The following DCAF7 variants were observed in gnomAD, a reference collection of about 807,000 sequenced individuals.
The protein encoded by DCAF7 is DDB1 and CUL4 associated factor 7, also known as DDB1- and CUL4-associated factor 7.
DCAF7 carries 4 observed loss-of-function variants against 41.2 expected under a neutral mutation model. The observed-to-expected ratio is 0.10, with a 90% CI of 0.05 to 0.22. The LOEUF (loss-of-function observed/expected upper bound fraction) is 0.22, where lower values mean the gene tolerates loss of function less well. Among genes scored for constraint, DCAF7 ranks in the 10% least tolerant of loss-of-function variants. The pLI is 1.00. For synonymous variants in DCAF7, 143 were observed against 164.2 expected, an observed-to-expected ratio of 0.87 and a Z score of 0.99; for missense variants, 131 against 443.2, an observed-to-expected ratio of 0.30 and a Z score of 6.32.
chr17:63,577,946 C>T (rs979661574), intron 1 of DCAF7, among the ~76,000 whole-genome samples: 4 of 152,154 alleles, frequency 2.6e-5, no homozygotes, highest in African/African-American at 9.7e-5. Flanking sequence ...ACTGGCTTTG[C>T]AGTGTTGAGT....
chr17:63,558,588 A>G (rs374994856), intron 1 of DCAF7, among the ~76,000 whole-genome samples: 360 of 152,252 alleles, frequency 2.4e-3, no homozygotes, highest in African/African-American at 8.4e-3. Flanking sequence ...CCCAGGCTAG[A>G]GTGCAGTAGT....
chr17:63,559,353 A>ATG (rs2147760203), intron 1 of DCAF7, among the ~76,000 whole-genome samples: 1 of 133,880 alleles, frequency 7.5e-6, no homozygotes, highest in Non-Finnish European at 1.5e-5. Flanking sequence ...ATATACGTAT[A>ATG]TATATGTATG....
At chr17:63,579,987 G>A in intron 4 of DCAF7, 44 bp downstream of exon 4, 1 of 1,491,254 alleles carries the variant, frequency 6.7e-7, no homozygotes, top group Non-Finnish European at 9.3e-7. Flanking sequence ...TGCTTCCTGT[G>A]CCTTCCGCAC....
Position 63,574,968 on chromosome 17 carries a change from T to C in DCAF7, c.139-3502T>C, listed in dbSNP as rs532293524. ...ACCCTGGGTGACAAGCAAGATCCTATCTTAAAAAAAATAAAACACAATTTC... is the reference window on the plus strand; with the variant it reads ...ACCCTGGGTGACAAGCAAGATCCTACCTTAAAAAAAATAAAACACAATTTC... On this transcript the variant is annotated intron_variant, in intron 1 of 6. Coordinates refer to ENST00000614556, the MANE Select transcript of DCAF7 (RefSeq NM_005828.5). 1.3e-4 allele frequency among the ~76,000 whole-genome samples: 19 copies of C among 141,442 alleles called. No homozygotes were observed. In the South Asian group the frequency reaches 4.0e-3, roughly 29 times the overall value. 92.8% of individuals were successfully genotyped at this position (141,442 alleles called of 152,430 possible).
Position 63,551,891 on chromosome 17 carries a change from C to CAAAAA in DCAF7, c.138+1112_138+1116dup, listed in dbSNP as rs529811578. On this transcript the variant is annotated intron_variant, in intron 1 of 6. Transcript: ENST00000614556. The stretch of plus-strand genomic sequence containing the variant: ...GTGAAACCCCGTCTCTACTAAAATA[C>CAAAAA]AAAAAAAAAAAAAAAAAAAAAAAAA... Among the ~76,000 whole-genome samples, 171 of 27,292 alleles carry CAAAAA rather than the reference C, an allele frequency of 6.3e-3. 50 individuals carry two copies. The highest frequency in any genetic ancestry group is 9.4e-3 in the Non-Finnish European group (117 of 12,474). 17.9% of individuals were successfully genotyped at this position (27,292 alleles called of 152,430 possible).
chr17:63,572,955 G>GT (rs1568101914), intron 1 of DCAF7, among the ~76,000 whole-genome samples: 2 of 152,178 alleles, frequency 1.3e-5, no homozygotes, highest in East Asian at 3.9e-4. Flanking sequence ...TAGAGATGAA[G>GT]TTTCACCATG....
intron 1 of DCAF7, among the ~76,000 whole-genome samples, chr17:63,568,690 T>A (rs928561560): frequency 1.2e-4 from 19 of 152,158 alleles, no homozygotes. Context: ...AGGTTTTCAT[T>A]CAAGGGAGTT....
At position 63,589,357 on chromosome 17, in the gene DCAF7, G is replaced by C. The variant is rs1158928333; in HGVS notation, c.*185G>C. ...CCCATCGCCCTCTGTGGCAGACTCA[G>C]TGCTGTGTGGCGCCTCCTCAGCCCA... On this transcript the variant is annotated 3_prime_UTR_variant, in exon 7 of 7. Transcript: ENST00000614556. 2 of 788,776 alleles carry C rather than the reference G, an allele frequency of 2.5e-6. No homozygotes were observed. Among genetic ancestry groups the C allele is most frequent in the South Asian group, 1.5e-5 (1 of 68,498 alleles). The allele number at this position is 788,776 out of a possible 1,614,324, so 48.9% of individuals were successfully genotyped here. A position where few individuals can be genotyped will look rare whatever the true frequency, so the allele number is the denominator to read the frequency against.
chr17:63,567,535 A>G (rs561745572), intron 1 of DCAF7, among the ~76,000 whole-genome samples: 67 of 152,384 alleles, frequency 4.4e-4, no homozygotes, highest in African/African-American at 1.6e-3. Context: ...AAGAAAACAC[A>G]ATCAATTTTG....
chr17:63,579,993 C>CGGAAG (rs780488485), intron 4 of DCAF7, 50 bp downstream of exon 4: 42 of 1,392,684 alleles, frequency 3.0e-5, no homozygotes, highest in Non-Finnish European at 3.8e-5. Flanking sequence ...CTGTGCCTTC[C>CGGAAG]GCACAGGAAG....
intron 1 of DCAF7, among the ~76,000 whole-genome samples, chr17:63,565,243 A>G (rs1163495195): frequency 1.3e-5 from 2 of 152,172 alleles, no homozygotes; most frequent in Non-Finnish European, 2.9e-5. Flanking sequence ...GTAATGGTGA[A>G]GAGTTTGGGT....
At chr17:63,553,088 A>G (rs2033274323) in intron 1 of DCAF7, among the ~76,000 whole-genome samples, 2 of 152,234 alleles carry the variant, frequency 1.3e-5, no homozygotes, top group African/African-American at 4.8e-5. Context: ...TAGAATTACA[A>G]AAGAAACCAC....
intron 1 of DCAF7, among the ~76,000 whole-genome samples, chr17:63,572,835 T>C (rs2033521651): frequency 6.6e-6 from 1 of 152,218 alleles, no homozygotes; most frequent in South Asian, 2.1e-4. Context: ...TGATCTCAGC[T>C]CACTGCAACC....
Position 63,560,002 on chromosome 17 carries a change from C to T in DCAF7, c.138+9187C>T, listed in dbSNP as rs2033363815. ...TACATGTAATGTCCTAGACAAAGAA[C>T]AAATCCCTTAATAACTGCATATAAA... On this transcript the variant is annotated intron_variant, in intron 1 of 6. Coordinates refer to ENST00000614556, the MANE Select transcript of DCAF7 (RefSeq NM_005828.5). 2.0e-5 allele frequency among the ~76,000 whole-genome samples: 3 copies of T among 152,082 alleles called. No homozygotes were observed. The South Asian group carries it at 6.2e-4, about 31-fold the overall frequency.
intron 6 of DCAF7, among the ~76,000 whole-genome samples, chr17:63,588,129 G>A (rs1359825558): frequency 2.0e-5 from 3 of 148,814 alleles, no homozygotes; most frequent in African/African-American, 7.5e-5. Context: ...TTTTTCATGT[G>A]CTTTTATATA....
rs763376428 is a variant in DCAF7, at chr17:63,579,963, C to T, written c.528+20C>T. The stretch of plus-strand genomic sequence containing the variant: ...AAAGAGGTAAGATGCTTTTCCATTT[C>T]GTCTTTCCTCAAATGCTTCCTGTGC... On this transcript the variant is annotated intron_variant, in intron 4 of 6. Coordinates refer to ENST00000614556, the MANE Select transcript of DCAF7 (RefSeq NM_005828.5). The T allele has an allele frequency of 6.9e-6, 11 of 1,596,904 alleles. No homozygotes were observed. The highest frequency in any genetic ancestry group is 2.2e-5 in the East Asian group (1 of 44,674).
chr17:63,566,609 G>T (rs2033444684), intron 1 of DCAF7, among the ~76,000 whole-genome samples: 1 of 152,180 alleles, frequency 6.6e-6, no homozygotes, highest in African/African-American at 2.4e-5. Context: ...GATCTTCTAA[G>T]ATTATTGTTA....
At chr17:63,576,643 G>A (rs759497435) in intron 1 of DCAF7, among the ~76,000 whole-genome samples, 7 of 152,038 alleles carry the variant, frequency 4.6e-5, no homozygotes, top group African/African-American at 7.2e-5. Flanking sequence ...TTTTGGGTGC[G>A]GTGCTTACGC....
chr17:63,574,504 A>C (rs1485072894), intron 1 of DCAF7, among the ~76,000 whole-genome samples: 1 of 152,194 alleles, frequency 6.6e-6, no homozygotes, highest in African/African-American at 2.4e-5. Flanking sequence ...GATTTTTAAG[A>C]GTTAAACATG....
Sources: gnomAD v4.1 joint callset for allele counts (sites outside exome capture counted in the v4.1 genomes callset) on GRCh38, gnomAD v4.1.1 for gene constraint, MANE v1.5 for transcripts, NCBI Gene and HGNC (gene_info 2026-07-23, HGNC 2026-07-21) for gene names.